The following IQCB1 variants were observed in gnomAD, a reference collection of about 807,000 sequenced individuals.
The protein encoded by IQCB1 is IQ motif containing B1.
IQCB1 carries 56 observed loss-of-function variants against 84.4 expected under a neutral mutation model. That is an observed-to-expected ratio of 0.66 (90% CI 0.54 to 0.83). The LOEUF (loss-of-function observed/expected upper bound fraction) is 0.83. IQCB1 is among the 40% of genes least tolerant of loss of function. The pLI is 0.00. For synonymous variants in IQCB1, 210 were observed against 234.8 expected, an observed-to-expected ratio of 0.89 and a Z score of 0.96; for missense variants, 629 against 682.1, an observed-to-expected ratio of 0.92 and a Z score of 0.87.
intron 13 of IQCB1, among the ~76,000 whole-genome samples, chr3:121,778,914 A>G (rs895247832): frequency 6.6e-6 from 1 of 151,874 alleles, no homozygotes; most frequent in Non-Finnish European, 1.5e-5. Flanking sequence ...AAAAAAAAAA[A>G]AAGGTATCTT....
chr3:121,774,025 T>TATATAAAGAA (rs1454525803), intron 13 of IQCB1, among the ~76,000 whole-genome samples: 37 of 151,912 alleles, frequency 2.4e-4, no homozygotes, highest in Admixed American at 1.6e-3. Context: ...AAGGGATTAA[T>TATATAAAGAA]CTCCATAATA....
At chr3:121,823,884 C>A (rs976224089) in intron 5 of IQCB1, among the ~76,000 whole-genome samples, 1 of 152,016 alleles carries the variant, frequency 6.6e-6, no homozygotes, top group Admixed American at 6.6e-5. Flanking sequence ...TGGTAGATTT[C>A]ATAATATATG....
chr3:121,775,901 T>C (rs1948204849), intron 13 of IQCB1, among the ~76,000 whole-genome samples: 1 of 152,186 alleles, frequency 6.6e-6, no homozygotes, highest in Admixed American at 6.5e-5. Context: ...CACCAACTAC[T>C]TATCCCAAGC....
At chr3:121,812,936 C>T (rs940048235) in intron 5 of IQCB1, among the ~76,000 whole-genome samples, 3 of 152,170 alleles carry the variant, frequency 2.0e-5, no homozygotes, top group Admixed American at 2.0e-4. Flanking sequence ...AGATACTCCT[C>T]GAGAATAGTA....
At chr3:121,771,932 T>G (rs1948007951) in intron 14 of IQCB1, among the ~76,000 whole-genome samples, 1 of 152,028 alleles carries the variant, frequency 6.6e-6, no homozygotes, top group Admixed American at 6.5e-5. Context: ...TCCCAGCACT[T>G]TGGGAGGCCG....
Position 121,772,583 on chromosome 3 carries a change from A to T in IQCB1, c.1541T>A (p.Ile514Asn), listed in dbSNP as rs771169008. ...QQHREALIAQ[I>N]STNVEQLMKA... is the part of the protein sequence containing the mutation. ...CATTAGCTGTTCAACGTTGGTGCTGATCTGTGCTATCAGAGCTTCTCTGTG... is the reference window on the plus strand; with the variant it reads ...CATTAGCTGTTCAACGTTGGTGCTGTTCTGTGCTATCAGAGCTTCTCTGTG... The change falls in exon 14 of 15, where the codon ATC (isoleucine) becomes AAC (asparagine). Residue 514 changes from isoleucine (I) to asparagine (N), a missense_variant. Ile to Asn is a moderately radical substitution (Grantham distance 149). Transcript: ENST00000310864. 5 of 1,614,212 alleles carry T rather than the reference A, an allele frequency of 3.1e-6. No homozygotes were observed. The South Asian group carries it at 5.5e-5, about 18-fold the overall frequency.
At chr3:121,779,979 T>C (rs1948404004) in intron 13 of IQCB1, among the ~76,000 whole-genome samples, 1 of 152,222 alleles carries the variant, frequency 6.6e-6, no homozygotes, top group South Asian at 2.1e-4. Context: ...CACTTCCGTC[T>C]TACCTTTTCA....
At chr3:121,827,080 T>C (rs1313654926) in intron 4 of IQCB1, among the ~76,000 whole-genome samples, 1 of 151,974 alleles carries the variant, frequency 6.6e-6, no homozygotes, top group Non-Finnish European at 1.5e-5. Flanking sequence ...TATGCAGCCA[T>C]AAAAAAGAAC....
At chr3:121,773,834 C>T (rs1414073356) in intron 13 of IQCB1, among the ~76,000 whole-genome samples, 1 of 151,840 alleles carries the variant, frequency 6.6e-6, no homozygotes, top group Non-Finnish European at 1.5e-5. Flanking sequence ...AGCATCATGA[C>T]ATTGGTTTTG....
intron 12 of IQCB1, among the ~76,000 whole-genome samples, chr3:121,785,688 T>C (rs1461557046): frequency 6.6e-6 from 1 of 152,144 alleles, no homozygotes; most frequent in Non-Finnish European, 1.5e-5. Flanking sequence ...ATGTAATCAA[T>C]ATAAAAAAGT....
Position 121,799,305 on chromosome 3 carries a change from A to G in IQCB1, c.657T>C (p.Phe219=). The change falls in exon 8 of 15, where the codon TTT becomes TTC. Residue 219 remains phenylalanine (F), a synonymous_variant. Coordinates refer to ENST00000310864, the MANE Select transcript of IQCB1 (RefSeq NM_001023570.4). ...SILDEVIFKL[F]STPSPVIRST... is the part of the protein sequence containing the mutation. ...TTCTTATAACTGGACTAGGAGTTGA[A>G]AAAAGCTTGAAAATAACTTCATCTA... is the stretch of plus-strand genomic sequence containing the variant. 1 of 1,606,058 alleles carries G rather than the reference A, an allele frequency of 6.2e-7. No homozygotes were observed. Among genetic ancestry groups the G allele is most frequent in the South Asian group, 1.1e-5 (1 of 90,576 alleles).
At chr3:121,812,815 G>A (rs2108605297) in intron 5 of IQCB1, among the ~76,000 whole-genome samples, 1 of 152,298 alleles carries the variant, frequency 6.6e-6, no homozygotes, top group African/African-American at 2.4e-5. Context: ...GAAGGTGATG[G>A]GGAGAATGGA....
chr3:121,829,256 C>G (rs1339307343), intron 2 of IQCB1, among the ~76,000 whole-genome samples: 2 of 152,196 alleles, frequency 1.3e-5, no homozygotes, highest in African/African-American at 2.4e-5. Flanking sequence ...TTCACATTCT[C>G]TCTCTAATCT....
At chr3:121,781,654 C>G in intron 13 of IQCB1, 89 bp downstream of exon 13, 2 of 1,012,080 alleles carry the variant, frequency 2.0e-6, no homozygotes, top group South Asian at 2.8e-5. Context: ...CACACACACA[C>G]ACACACACAA....
chr3:121,770,508 A>G lies in IQCB1; in HGVS notation c.1634T>C (p.Val545Ala), dbSNP rs753029218. 9 of 1,614,064 alleles carry G rather than the reference A, an allele frequency of 5.6e-6. No homozygotes were observed. Among genetic ancestry groups the G allele is most frequent in the South Asian group, 2.2e-5 (2 of 91,082 alleles). ...PELFLSRSRP[V>A]AAKAKQAHLT... ...ATGGGCCTGCTTGGCCTTGGCTGCC[A>G]CAGGCCTGGATCTACTTAGGAAGAG... The change falls in exon 15 of 15, where the codon GTG (valine) becomes GCG (alanine). Residue 545 changes from valine to alanine, a missense_variant. Transcript: ENST00000310864.
chr3:121,781,304 T>C (rs191310155), intron 13 of IQCB1, among the ~76,000 whole-genome samples: 138 of 152,266 alleles, frequency 9.1e-4, no homozygotes, highest in Non-Finnish European at 1.7e-3. Flanking sequence ...GCAGTATTAT[T>C]GTGGTAAGAT....
Position 121,790,143 on chromosome 3 carries a change from T to G in IQCB1, c.1059A>C (p.Gln353His). The G allele has an allele frequency of 6.2e-7, 1 of 1,613,588 alleles. No individual in the cohort carries two copies. The highest frequency in any genetic ancestry group is 8.5e-7 in the Non-Finnish European group (1 of 1,179,514). The change falls in exon 11 of 15, where the codon CAA becomes CAC. Residue 353 changes from glutamine (Q) to histidine (H), a missense_variant. Transcript: ENST00000310864. ...KEEEDLKLQLQLQRQRAMRLS... is the reference protein window; with the variant it reads ...KEEEDLKLQLHLQRQRAMRLS... The stretch of plus-strand genomic sequence containing the variant: ...GTCTCATGGCTCTCTGTCTTTGAAG[T>G]TGCAATTGTAATTTGAGGTCCTCTT...
chr3:121,783,066 A>G (rs563204297), intron 12 of IQCB1, among the ~76,000 whole-genome samples: 2 of 152,208 alleles, frequency 1.3e-5, no homozygotes, highest in Non-Finnish European at 2.9e-5. Flanking sequence ...ATGACCTGCA[A>G]AGCCTAAAAT....
intron 13 of IQCB1, among the ~76,000 whole-genome samples, chr3:121,776,584 A>T (rs557023985): frequency 6.6e-6 from 1 of 152,210 alleles, no homozygotes; most frequent in South Asian, 2.1e-4. Context: ...AATTTTTATT[A>T]AAAAAATTAG....
Sources: allele counts gnomAD v4.1 joint callset (sites outside exome capture counted in the v4.1 genomes callset), GRCh38; gene constraint gnomAD v4.1.1; transcripts MANE v1.5; gene names NCBI Gene and HGNC (gene_info 2026-07-23, HGNC 2026-07-21).